ATP6V1H: variants seen among roughly 807,000 people sequenced by gnomAD.
ATP6V1H encodes the protein ATPase H+ transporting V1 subunit H.
In ATP6V1H, 39 loss-of-function variants were observed where a neutral mutation model predicts 71.7. The ratio of observed to expected loss-of-function variants is 0.54; its 90% CI spans 0.42 to 0.71. ATP6V1H has a LOEUF of 0.71. Ranked by LOEUF, ATP6V1H falls within the 30% of genes least tolerant of loss-of-function variation. The pLI is 0.00. For missense variants in ATP6V1H, 509 were observed against 594.9 expected, an observed-to-expected ratio of 0.86 and a Z score of 1.50; for synonymous variants, 192 against 199.3, an observed-to-expected ratio of 0.96 and a Z score of 0.31.
chr8:53,802,489 C>T (rs915314166), intron 7 of ATP6V1H, among the ~76,000 whole-genome samples: 37 of 152,160 alleles, frequency 2.4e-4, no homozygotes, highest in Admixed American at 8.5e-4. Context: ...GAGGCTGAGG[C>T]GGGGGGATTT....
intron 13 of ATP6V1H, among the ~76,000 whole-genome samples, chr8:53,727,623 T>C (rs1806859662): frequency 1.3e-5 from 2 of 152,228 alleles, no homozygotes; most frequent in Admixed American, 1.3e-4. Flanking sequence ...GCTCCTGTTC[T>C]ACACACATTT....
rs777211165 is a variant in ATP6V1H, at chr8:53,833,061, A to C, written c.139T>G (p.Cys47Gly). 1.2e-5 allele frequency: 20 copies of C among 1,613,554 alleles called. No homozygotes were observed. Among genetic ancestry groups the C allele is most frequent in the Non-Finnish European group, 1.7e-5 (20 of 1,179,726 alleles). ...ATTTCAAACCTCTGAATAAACTCAC[A>C]ATCTTCAGCAGAAATCATCTGTCCC... Reference protein sequence around the residue: ...LQGQMISAEDCEFIQRFEMKR... With the variant: ...LQGQMISAEDGEFIQRFEMKR... The change falls in exon 3 of 14, where the codon TGT becomes GGT. Residue 47 changes from cysteine (C) to glycine (G), a missense_variant. This residue lies in a region of ATP6V1H where 297 missense variants were observed against 303.3 expected (regional missense o/e 0.98). Transcript: ENST00000359530.
intron 13 of ATP6V1H, among the ~76,000 whole-genome samples, chr8:53,724,389 C>T (rs1393313821): frequency 1.3e-5 from 2 of 152,088 alleles, no homozygotes; most frequent in African/African-American, 4.8e-5. Context: ...CTTTTTCTCT[C>T]CTTCTTCCTC....
chr8:53,758,225 C>T (rs567344817), intron 11 of ATP6V1H, among the ~76,000 whole-genome samples: 1 of 152,238 alleles, frequency 6.6e-6, no homozygotes, highest in East Asian at 1.9e-4. Flanking sequence ...CAAAAAATTA[C>T]TTCTTTGTTT....
intron 7 of ATP6V1H, among the ~76,000 whole-genome samples, chr8:53,809,874 A>G (rs763957035): frequency 1.9e-4 from 29 of 152,164 alleles, no homozygotes; most frequent in Non-Finnish European, 3.1e-4. Flanking sequence ...TCAGCCCACC[A>G]TGGCCCCAGG....
rs548007372 is a variant in ATP6V1H, at chr8:53,772,963, AT to A, written c.871-797del. On this transcript the variant is annotated intron_variant, in intron 9 of 13. Coordinates refer to ENST00000359530, the MANE Select transcript of ATP6V1H (RefSeq NM_015941.4). ...TAACTCCAATTGTAAAAAAACTTGAATTTTTTTTTCTTTTTACAAGTAAGTT... is the reference window on the plus strand; with the variant it reads ...TAACTCCAATTGTAAAAAAACTTGAATTTTTTTTCTTTTTACAAGTAAGTT... Among the ~76,000 whole-genome samples, 47 of 150,688 alleles carry A rather than the reference AT, an allele frequency of 3.1e-4. 1 individual carries two copies. The highest frequency in any genetic ancestry group is 1.8e-3 in the East Asian group (9 of 5,122).
chr8:53,822,145 CTCT>C, intron 4 of ATP6V1H, among the ~76,000 whole-genome samples: 1 of 152,262 alleles, frequency 6.6e-6, no homozygotes, highest in South Asian at 2.1e-4. Flanking sequence ...AGCCAAGCTG[CTCT>C]TCAAGTATGA....
chr8:53,839,776 C>T, intron 2 of ATP6V1H: 1 of 985,428 alleles, frequency 1.0e-6, no homozygotes, highest in South Asian at 4.7e-5. Flanking sequence ...ACTCCCACCT[C>T]CATTCTATCA....
intron 2 of ATP6V1H, among the ~76,000 whole-genome samples, chr8:53,840,536 A>G (rs1473437165): frequency 6.6e-6 from 1 of 152,124 alleles, no homozygotes; most frequent in Non-Finnish European, 1.5e-5. Context: ...TGATCTATTA[A>G]TACATCTGAC....
At chr8:53,745,399 T>G (rs1807563489) in intron 12 of ATP6V1H, among the ~76,000 whole-genome samples, 1 of 150,260 alleles carries the variant, frequency 6.7e-6, no homozygotes. Flanking sequence ...CCCTGTTTCT[T>G]AAAAAAAAAC....
chr8:53,741,476 A>G (rs1167490963), intron 13 of ATP6V1H, among the ~76,000 whole-genome samples: 1 of 152,384 alleles, frequency 6.6e-6, no homozygotes. Flanking sequence ...TGACTTTCAC[A>G]GAAACTTTAG....
At chr8:53,828,454 G>A (rs561636651) in intron 4 of ATP6V1H, among the ~76,000 whole-genome samples, 42 of 152,154 alleles carry the variant, frequency 2.8e-4, no homozygotes, top group Non-Finnish European at 4.9e-4. Context: ...ACCACGGTCC[G>A]CATGCCGACT....
intron 12 of ATP6V1H, among the ~76,000 whole-genome samples, chr8:53,746,871 T>G (rs1807619653): frequency 2.0e-5 from 3 of 152,214 alleles, no homozygotes; most frequent in African/African-American, 7.2e-5. Flanking sequence ...AGTCAAGTAC[T>G]TCATTTATGA....
At chr8:53,722,698 C>G (rs574850339) in intron 13 of ATP6V1H, among the ~76,000 whole-genome samples, 1 of 152,218 alleles carries the variant, frequency 6.6e-6, no homozygotes, top group African/African-American at 2.4e-5. Flanking sequence ...AAGAGTCCTA[C>G]AGGAGAGTTA....
chr8:53,746,389 C>T (rs1245380235), intron 12 of ATP6V1H, among the ~76,000 whole-genome samples: 1 of 151,886 alleles, frequency 6.6e-6, no homozygotes, highest in Non-Finnish European at 1.5e-5. Context: ...CTCAGTCTCC[C>T]GAGTAGCTGG....
At chr8:53,768,059 G>A (rs1228072410) in intron 11 of ATP6V1H, among the ~76,000 whole-genome samples, 2 of 152,128 alleles carry the variant, frequency 1.3e-5, no homozygotes, top group African/African-American at 4.8e-5. Flanking sequence ...CCTGTATCCA[G>A]AATATATGAA....
rs181682568 is a variant in ATP6V1H at position 53,775,027 on chromosome 8, G to A, written c.871-2860C>T. ...TTCAAGAATGAAGCCGCGGACCCTC[G>A]CGGTGTTACAGTTCTTGAAGGCGGC... On this transcript the variant is annotated intron_variant, in intron 9 of 13. Transcript: ENST00000359530. Among the ~76,000 whole-genome samples, 646 of 152,324 alleles carry A rather than the reference G, an allele frequency of 4.2e-3. 9 individuals are homozygous for A. The highest frequency in any genetic ancestry group is 0.015 in the African/African-American group (608 of 41,570).
At chr8:53,799,266 CATT>C (rs1809837587) in intron 8 of ATP6V1H, among the ~76,000 whole-genome samples, 1 of 151,966 alleles carries the variant, frequency 6.6e-6, no homozygotes, top group Admixed American at 6.6e-5. Context: ...ATTATTTTAT[CATT>C]ATTCATTGAT....
intron 9 of ATP6V1H, among the ~76,000 whole-genome samples, chr8:53,791,489 G>A (rs896133349): frequency 3.3e-5 from 5 of 152,246 alleles, no homozygotes; most frequent in African/African-American, 4.8e-5. Flanking sequence ...TCAAGAGCCA[G>A]ATTTATGTGC....
Sources: allele counts gnomAD v4.1 joint callset (sites outside exome capture counted in the v4.1 genomes callset), GRCh38; gene constraint gnomAD v4.1.1; regional missense constraint gnomAD v4.1.1; transcripts MANE v1.5; gene names NCBI Gene and HGNC (gene_info 2026-07-23, HGNC 2026-07-21).